The following LRRC26 variants were observed in gnomAD, a reference collection of about 807,000 sequenced individuals.
LRRC26 encodes leucine-rich repeat-containing protein 26.
A neutral mutation model predicts 15.3 loss-of-function variants in LRRC26; 17 were observed. The observed-to-expected ratio is 1.11, with a 90% CI of 0.76 to 1.66. The LOEUF (loss-of-function observed/expected upper bound fraction) is 1.66, where lower values mean the gene tolerates loss of function less well. LRRC26 is among the 40% of genes most tolerant of loss of function. LRRC26 has a pLI of 0.00. For missense variants in LRRC26, 573 were observed against 501.0 expected (o/e 1.14, Z -1.37); for synonymous variants, 301 against 272.1 (o/e 1.11, Z -1.05).
rs1013318784 is a variant in LRRC26, at chr9:137,169,937, C to T, written c.7G>A (p.Gly3Ser). Residue 3 changes from glycine (G) to serine (S), a missense_variant, in exon 1 of 2, where the codon GGC becomes AGC. Coordinates refer to ENST00000371542, the MANE Select transcript of LRRC26 (RefSeq NM_001013653.3). ...GGCCGAGGCCGCGACCAGGAAGGGC[C>T]CCGCATGGGGGCAGCCCCCCCGCCC... MR[G>S]PSWSRPRPLL... The T allele has an allele frequency of 3.1e-5, 45 of 1,447,288 alleles. No homozygotes were observed. Among genetic ancestry groups the T allele is most frequent in the Non-Finnish European group, 4.1e-5 (45 of 1,111,072 alleles). 89.7% of individuals were successfully genotyped at this position (1,447,288 alleles called of 1,614,324 possible). A position where few individuals can be genotyped will look rare whatever the true frequency, so the allele number is the denominator to read the frequency against.
At position 137,169,488 on chromosome 9, in the gene LRRC26, G is replaced by A. The variant is rs1444819325; in HGVS notation, c.456C>T (p.Gly152=). 1 of 1,521,652 alleles carries A rather than the reference G, an allele frequency of 6.6e-7. No individual in the cohort carries two copies. Among genetic ancestry groups the A allele is most frequent in the South Asian group, 1.2e-5 (1 of 82,658 alleles). 94.3% of individuals were successfully genotyped at this position (1,521,652 alleles called of 1,614,324 possible). A position where few individuals can be genotyped will look rare whatever the true frequency, so the allele number is the denominator to read the frequency against. Residue 152 remains glycine (G), a synonymous_variant, in exon 1 of 2, where the codon GGC becomes GGT. Coordinates refer to ENST00000371542, the MANE Select transcript of LRRC26 (RefSeq NM_001013653.3). ...CGGGCTCCAGGCGCGCCAGCCGGTT[G>A]CCGGCCAATGAGAGGTTGCGCAGCG... ...LRALRNLSLA[G]NRLARLEPAA... is the part of the protein sequence containing the mutation.
In LRRC26 at chr9:137,169,281, C is replaced by A; in HGVS notation, c.663G>T (p.Leu221=). 7.2e-7 allele frequency: 1 copy of A among 1,380,334 alleles called. No individual in the cohort carries two copies. Among genetic ancestry groups the A allele is most frequent in the Non-Finnish European group, 9.3e-7 (1 of 1,074,968 alleles). The allele number at this position is 1,380,334 out of a possible 1,614,324, so 85.5% of individuals were successfully genotyped here. Residue 221 remains leucine (L), a synonymous_variant, in exon 1 of 2, where the codon CTG becomes CTT. Coordinates refer to ENST00000371542, the MANE Select transcript of LRRC26 (RefSeq NM_001013653.3). ...PLCAWLRRHP[L]PASEAETVLC... ...TCCCCAGCAGCTCACCTGACGCGGG[C>A]AGCGGGTGCCGGCGCAGCCAGGCGC... is the stretch of plus-strand genomic sequence containing the variant.
chr9:137,169,069 C>T lies in LRRC26; in HGVS notation c.790G>A (p.Val264Met), dbSNP rs775521840. Residue 264 changes from valine (V) to methionine (M), a missense_variant, in exon 2 of 2, where the codon GTG becomes ATG. Physicochemically the swap from Val to Met is conservative, Grantham distance 21. Coordinates refer to ENST00000371542, the MANE Select transcript of LRRC26 (RefSeq NM_001013653.3). ...AQPLALRDLA[V>M]VYTLGPASFL... The stretch of plus-strand genomic sequence containing the variant: ...GAGGCCGGCCCGAGCGTGTAAACCA[C>T]GGCCAGGTCCCGCAGGGCGAGCGGC... 3 of 1,556,496 alleles carry T rather than the reference C, an allele frequency of 1.9e-6. No homozygotes were observed. Among genetic ancestry groups the T allele is most frequent in the South Asian group, 1.2e-5 (1 of 84,646 alleles).
chr9:137,169,245 C>A, intron 1 of LRRC26, 26 bp downstream of exon 1: 1 of 1,375,210 alleles, frequency 7.3e-7, no homozygotes, highest in Non-Finnish European at 9.3e-7. Flanking sequence ...CCCTGCAGAC[C>A]CCGACCCGCG....
chr9:137,169,936 C>T lies in LRRC26; in HGVS notation c.8G>A (p.Gly3Asp), dbSNP rs960513734. Residue 3 changes from glycine (G) to aspartate (D), a missense_variant, in exon 1 of 2, where the codon GGC becomes GAC. Gly to Asp is a moderately conservative substitution (Grantham distance 94). Transcript: ENST00000371542. Reference protein sequence around the residue: MRGPSWSRPRPLL... With the variant: MRDPSWSRPRPLL... The stretch of plus-strand genomic sequence containing the variant: ...CGGCCGAGGCCGCGACCAGGAAGGG[C>T]CCCGCATGGGGGCAGCCCCCCCGCC... The T allele has an allele frequency of 9.7e-6, 14 of 1,450,064 alleles. No homozygotes were observed. The South Asian group carries it at 1.8e-4, about 19-fold the overall frequency. The allele number at this position is 1,450,064 out of a possible 1,614,324, so 89.8% of individuals were successfully genotyped here. A position where few individuals can be genotyped will look rare whatever the true frequency, so the allele number is the denominator to read the frequency against.
chr9:137,169,895 G>A lies in LRRC26; in HGVS notation c.49C>T (p.Leu17=). The change falls in exon 1 of 2, where the codon CTG becomes TTG. Residue 17 remains leucine, a synonymous_variant. Transcript: ENST00000371542. The part of the protein sequence containing the change: ...SRPRPLLLLL[L]LLSPWPVWAQ... ...CAGACAGGCCAAGGCGACAGCAGCA[G>A]CAACAGCAGCAGCAGCGGCCGAGGC... 1 of 1,480,370 alleles carries A rather than the reference G, an allele frequency of 6.8e-7. No individual in the cohort carries two copies. The highest frequency in any genetic ancestry group is 8.9e-7 in the Non-Finnish European group (1 of 1,124,656). 91.7% of individuals were successfully genotyped at this position (1,480,370 alleles called of 1,614,324 possible).
In LRRC26 at chr9:137,169,533, C is replaced by A. The variant is rs936670035; in HGVS notation, c.411G>T (p.Gly137=). 3 of 1,524,244 alleles carry A rather than the reference C, an allele frequency of 2.0e-6. No individual in the cohort carries two copies. The African/African-American group carries it at 4.3e-5, about 22-fold the overall frequency. The allele number at this position is 1,524,244 out of a possible 1,614,324, so 94.4% of individuals were successfully genotyped here. A position where few individuals can be genotyped will look rare whatever the true frequency, so the allele number is the denominator to read the frequency against. The change falls in exon 1 of 2, where the codon GGG becomes GGT. Residue 137 remains glycine (G), a synonymous_variant. Transcript: ENST00000371542. ...GCAGCGCGCGCAGCGGCGCGAAAGT[C>A]CCTGGTGCCAGTGCTTCCAGCTGGT... is the stretch of plus-strand genomic sequence containing the variant. ...SANQLEALAP[G]TFAPLRALRN...
Position 137,168,977 on chromosome 9 carries a change from G to C in LRRC26, c.882C>G (p.Arg294=), listed in dbSNP as rs775835642. The change falls in exon 2 of 2, where the codon CGC becomes CGG. Residue 294 remains arginine (R), a synonymous_variant. Transcript: ENST00000371542. ...GSGLTACRAR[R]RRLRTAALRP... Reference sequence around the variant, plus strand: ...GGAGGGCGGCGGTGCGGAGGCGGCGGCGGCGCGCACGGCAGGCGGTGAGCC... The same window carrying C: ...GGAGGGCGGCGGTGCGGAGGCGGCGCCGGCGCGCACGGCAGGCGGTGAGCC... 2.2e-5 allele frequency: 31 copies of C among 1,435,192 alleles called. No homozygotes were observed. Among genetic ancestry groups the C allele is most frequent in the Non-Finnish European group, 2.7e-5 (30 of 1,100,566 alleles). 88.9% of individuals were successfully genotyped at this position (1,435,192 alleles called of 1,614,324 possible). A position where few individuals can be genotyped will look rare whatever the true frequency, so the allele number is the denominator to read the frequency against.
At position 137,169,839 on chromosome 9, in the gene LRRC26, C is replaced by G; in HGVS notation, c.105G>C (p.Ser35=). Residue 35 remains serine (S), a synonymous_variant, in exon 1 of 2, where the codon TCG becomes TCC. Transcript: ENST00000371542. ...WAQVSATASP[S]GSLGAPDCPE... Reference sequence around the variant, plus strand: ...GGCAGTCCGGGGCGCCCAGGGACCCCGAGGGCGAGGCCGTGGCCGACACCT... The same window carrying G: ...GGCAGTCCGGGGCGCCCAGGGACCCGGAGGGCGAGGCCGTGGCCGACACCT... The G allele has an allele frequency of 6.8e-7, 1 of 1,460,218 alleles. No homozygotes were observed. The highest frequency in any genetic ancestry group is 9.0e-7 in the Non-Finnish European group (1 of 1,117,078). The allele number at this position is 1,460,218 out of a possible 1,614,324, so 90.5% of individuals were successfully genotyped here. A position where few individuals can be genotyped will look rare whatever the true frequency, so the allele number is the denominator to read the frequency against.
rs1834030834 is a variant in LRRC26, at chr9:137,169,270, C to G, written c.673+1G>C. 3 of 1,378,080 alleles carry G rather than the reference C, an allele frequency of 2.2e-6. No individual in the cohort carries two copies. The highest frequency in any genetic ancestry group is 2.8e-6 in the Non-Finnish European group (3 of 1,074,352). 85.4% of individuals were successfully genotyped at this position (1,378,080 alleles called of 1,614,324 possible). A position where few individuals can be genotyped will look rare whatever the true frequency, so the allele number is the denominator to read the frequency against. On this transcript the variant is annotated splice_donor_variant, in intron 1 of 1. Coordinates refer to ENST00000371542, the MANE Select transcript of LRRC26 (RefSeq NM_001013653.3). LOFTEE classifies it high-confidence loss of function. ...CCCGACCCGCGTCCCCAGCAGCTCA[C>G]CTGACGCGGGCAGCGGGTGCCGGCG... is the stretch of plus-strand genomic sequence containing the variant.
Position 137,169,315 on chromosome 9 carries a change from C to CGCTCAGGTCCAGCAGCT in LRRC26, c.628_629insAGCTGCTGGACCTGAGC (p.Arg210GlnfsTer34). 1 of 1,427,074 alleles carries CGCTCAGGTCCAGCAGCT rather than the reference C, an allele frequency of 7.0e-7. No individual in the cohort carries two copies. The highest frequency in any genetic ancestry group is 1.4e-5 in the South Asian group (1 of 70,690). The allele number at this position is 1,427,074 out of a possible 1,614,324, so 88.4% of individuals were successfully genotyped here. On this transcript the variant is annotated frameshift_variant, in exon 1 of 2. Transcript: ENST00000371542. LOFTEE classifies it low-confidence loss of function (END_TRUNC). ...CCGGCGCAGCCAGGCGCAGAGCGGG[C>CGCTCAGGTCCAGCAGCT]GCAGCGCGCACCCGCAGCCCCAAGG...
Position 137,168,886 on chromosome 9 carries a change from G to C in LRRC26, c.973C>G (p.Pro325Ala). Reference sequence around the variant, plus strand: ...TGGGCGGCAGCGGCGGGGCTCCCCGGGTCCGCGGGCGAGGCACAGCCGTGG... The same window carrying C: ...TGGGCGGCAGCGGCGGGGCTCCCCGCGTCCGCGGGCGAGGCACAGCCGTGG... ...DPHGCASPAD[P>A]GSPAAAAQA is the part of the protein sequence containing the mutation. Residue 325 changes from proline (P) to alanine (A), a missense_variant, in exon 2 of 2, where the codon CCG (proline) becomes GCG (alanine). Pro to Ala is a conservative substitution (Grantham distance 27). Coordinates refer to ENST00000371542, the MANE Select transcript of LRRC26 (RefSeq NM_001013653.3). The C allele has an allele frequency of 1.6e-6, 2 of 1,261,880 alleles. No individual in the cohort carries two copies. Among genetic ancestry groups the C allele is most frequent in the Non-Finnish European group, 2.0e-6 (2 of 1,008,908 alleles). 78.2% of individuals were successfully genotyped at this position (1,261,880 alleles called of 1,614,324 possible). A position where few individuals can be genotyped will look rare whatever the true frequency, so the allele number is the denominator to read the frequency against.
At position 137,168,950 on chromosome 9, in the gene LRRC26, G is replaced by T. The variant is rs1834018075; in HGVS notation, c.909C>A (p.Arg303=). 10 of 1,389,744 alleles carry T rather than the reference G, an allele frequency of 7.2e-6. No homozygotes were observed. The highest frequency in any genetic ancestry group is 9.3e-6 in the Non-Finnish European group (10 of 1,079,214). The allele number at this position is 1,389,744 out of a possible 1,614,324, so 86.1% of individuals were successfully genotyped here. The part of the protein sequence containing the change: ...RRRRLRTAAL[R]PPRPPDPNPD... ...GGTTCGGGTCTGGCGGTCTCGGCGG[G>T]CGGAGGGCGGCGGTGCGGAGGCGGC... The change falls in exon 2 of 2, where the codon CGC becomes CGA. Residue 303 remains arginine, a synonymous_variant. Transcript: ENST00000371542.
chr9:137,169,032 C>T lies in LRRC26; in HGVS notation c.827G>A (p.Ser276Asn). ...YTLGPASFLVSLASCLALGSG... is the reference protein window; with the variant it reads ...YTLGPASFLVNLASCLALGSG... ...GCCCAGCGCCAGGCAGGAAGCCAGG[C>T]TGACGAGGAAGGAGGCCGGCCCGAG... The change falls in exon 2 of 2, where the codon AGC becomes AAC. Residue 276 changes from serine to asparagine, a missense_variant. Ser to Asn is a conservative substitution (Grantham distance 46). Transcript: ENST00000371542. 6.6e-7 allele frequency: 1 copy of T among 1,526,464 alleles called. No individual in the cohort carries two copies. The highest frequency in any genetic ancestry group is 1.2e-5 in the South Asian group (1 of 81,708). 94.6% of individuals were successfully genotyped at this position (1,526,464 alleles called of 1,614,324 possible).
In LRRC26 at chr9:137,169,015, C is replaced by A; in HGVS notation, c.844G>T (p.Ala282Ser). ...SFLVSLASCLALGSGLTACRA... is the reference protein window; with the variant it reads ...SFLVSLASCLSLGSGLTACRA... ...CAGGCGGTGAGCCCAGAGCCCAGCGCCAGGCAGGAAGCCAGGCTGACGAGG... is the reference window on the plus strand; with the variant it reads ...CAGGCGGTGAGCCCAGAGCCCAGCGACAGGCAGGAAGCCAGGCTGACGAGG... The change falls in exon 2 of 2, where the codon GCG becomes TCG. Residue 282 changes from alanine to serine, a missense_variant. Coordinates refer to ENST00000371542, the MANE Select transcript of LRRC26 (RefSeq NM_001013653.3). 12 of 1,506,858 alleles carry A rather than the reference C, an allele frequency of 8.0e-6. No individual in the cohort carries two copies. The highest frequency in any genetic ancestry group is 1.1e-5 in the Non-Finnish European group (12 of 1,134,088). 93.3% of individuals were successfully genotyped at this position (1,506,858 alleles called of 1,614,324 possible).
rs867722799 is a variant in LRRC26, at chr9:137,169,054, C to A, written c.805G>T (p.Gly269Trp). The A allele has an allele frequency of 2.6e-6, 4 of 1,548,660 alleles. No individual in the cohort carries two copies. The highest frequency in any genetic ancestry group is 2.6e-5 in the East Asian group (1 of 38,638). Residue 269 changes from glycine to tryptophan, a missense_variant, in exon 2 of 2, where the codon GGG becomes TGG. Coordinates refer to ENST00000371542, the MANE Select transcript of LRRC26 (RefSeq NM_001013653.3). ...AGGCTGACGAGGAAGGAGGCCGGCC[C>A]GAGCGTGTAAACCACGGCCAGGTCC... ...LRDLAVVYTL[G>W]PASFLVSLAS...
In LRRC26 at chr9:137,169,165, C is replaced by G. The variant is rs773816868; in HGVS notation, c.694G>C (p.Val232Leu). ...PASEAETVLCVWPGRLTLSPL... is the reference protein window; with the variant it reads ...PASEAETVLCLWPGRLTLSPL... Reference sequence around the variant, plus strand: ...CTGAGCGTCAGGCGTCCCGGCCACACGCAGAGCACCGTCTCGGCCTCTGTG... The same window carrying G: ...CTGAGCGTCAGGCGTCCCGGCCACAGGCAGAGCACCGTCTCGGCCTCTGTG... Residue 232 changes from valine to leucine, a missense_variant, in exon 2 of 2, where the codon GTG becomes CTG. Physicochemically the swap from Val to Leu is conservative, Grantham distance 32. Transcript: ENST00000371542. 1.3e-6 allele frequency: 2 copies of G among 1,519,222 alleles called. No homozygotes were observed. Among genetic ancestry groups the G allele is most frequent in the Non-Finnish European group, 1.8e-6 (2 of 1,139,790 alleles). The allele number at this position is 1,519,222 out of a possible 1,614,324, so 94.1% of individuals were successfully genotyped here. A position where few individuals can be genotyped will look rare whatever the true frequency, so the allele number is the denominator to read the frequency against.
In LRRC26 at chr9:137,168,929, C is replaced by T; in HGVS notation, c.930G>A (p.Pro310=). ...AALRPPRPPD[P]NPDPDPHGCA... is the part of the protein sequence containing the mutation. ...AGCCGTGGGGGTCGGGATCGGGGTTCGGGTCTGGCGGTCTCGGCGGGCGGA... is the reference window on the plus strand; with the variant it reads ...AGCCGTGGGGGTCGGGATCGGGGTTTGGGTCTGGCGGTCTCGGCGGGCGGA... Residue 310 remains proline, a synonymous_variant, in exon 2 of 2, where the codon CCG becomes CCA. Transcript: ENST00000371542. 7.3e-7 allele frequency: 1 copy of T among 1,365,228 alleles called. No homozygotes were observed. Among genetic ancestry groups the T allele is most frequent in the Non-Finnish European group, 9.4e-7 (1 of 1,066,436 alleles). The allele number at this position is 1,365,228 out of a possible 1,614,324, so 84.6% of individuals were successfully genotyped here.
chr9:137,169,211 C>G (rs764046554), intron 1 of LRRC26, 26 bp from the exon 2 acceptor site: 3 of 1,404,046 alleles, frequency 2.1e-6, no homozygotes. Flanking sequence ...AAAGGCGCGG[C>G]GTCAGGTGGC....
Sources: gnomAD v4.1 joint callset for allele counts on GRCh38, gnomAD v4.1.1 for gene constraint, MANE v1.5 for transcripts, NCBI Gene and HGNC (gene_info 2026-07-23, HGNC 2026-07-21) for gene names.